SRGAP2B: variants seen among roughly 807,000 people sequenced by gnomAD.
The protein encoded by SRGAP2B is SLIT-ROBO Rho GTPase-activating protein 2B.
Under a neutral mutation model 22.2 loss-of-function variants are expected in SRGAP2B, and 9 were observed. The observed-to-expected ratio is 0.41, with a 90% CI of 0.24 to 0.71. The LOEUF (loss-of-function observed/expected upper bound fraction) is 0.71. Ranked by LOEUF, SRGAP2B falls within the 30% of genes least tolerant of loss-of-function variation. The probability of loss-of-function intolerance (pLI) is 0.35; values close to 1 mark genes in which losing one functional copy is unlikely to be tolerated. For synonymous variants in SRGAP2B, 36 were observed against 87.4 expected (o/e 0.41, Z 3.28); for missense variants, 114 against 235.8 (o/e 0.48, Z 3.38).
intron 2 of SRGAP2B, among the ~76,000 whole-genome samples, chr1:145,011,821 A>T (rs1397730641): frequency 2.7e-5 from 4 of 149,626 alleles, no homozygotes; most frequent in Non-Finnish European, 4.4e-5. Flanking sequence ...TCTACTCTCC[A>T]CACTGCAGCC....
At chr1:145,045,253 A>C (rs782672972) in intron 2 of SRGAP2B, among the ~76,000 whole-genome samples, 5 of 116,718 alleles carry the variant, frequency 4.3e-5, no homozygotes, top group Non-Finnish European at 8.8e-5. Flanking sequence ...GCCGAGATCT[A>C]GCCACTGCAC....
At chr1:145,066,679 A>T in intron 2 of SRGAP2B, among the ~76,000 whole-genome samples, 1 of 151,758 alleles carries the variant, frequency 6.6e-6, no homozygotes, top group Non-Finnish European at 1.5e-5. Flanking sequence ...TACTACAGAT[A>T]AGCACCCCAG....
At position 145,085,837 on chromosome 1, in the gene SRGAP2B, A is replaced by AT. The variant is rs1466224707; in HGVS notation, c.67+6997dup. Among the ~76,000 whole-genome samples, 9 of 118,588 alleles carry AT rather than the reference A, an allele frequency of 7.6e-5. No homozygotes were observed. In the East Asian group the frequency reaches 1.8e-3, roughly 24 times the overall value. The allele number at this position is 118,588 out of a possible 152,430, so 77.8% of individuals were successfully genotyped here. A position where few individuals can be genotyped will look rare whatever the true frequency, so the allele number is the denominator to read the frequency against. ...AGGTGCCTGCCACCACACCCGGCTA[A>AT]TTTTTTTATTTTTAGTAGAGACAGA... On this transcript the variant is annotated intron_variant, in intron 2 of 9. Transcript: ENST00000612199.
chr1:145,083,164 G>A (rs1199459218), intron 2 of SRGAP2B, among the ~76,000 whole-genome samples: 3 of 145,090 alleles, frequency 2.1e-5, no homozygotes, highest in Non-Finnish European at 4.4e-5. Context: ...TTGGGATCCC[G>A]CACAGGGGAG....
chr1:144,967,189 T>C (rs1441430755), intron 3 of SRGAP2B, among the ~76,000 whole-genome samples: 1 of 112,416 alleles, frequency 8.9e-6, no homozygotes. Context: ...AGAATATACA[T>C]TTTTTTCAGC....
At chr1:145,013,461 C>A (rs1553622596) in intron 2 of SRGAP2B, among the ~76,000 whole-genome samples, 1 of 150,290 alleles carries the variant, frequency 6.7e-6, no homozygotes, top group Non-Finnish European at 1.5e-5. Flanking sequence ...AGTATCTCCC[C>A]TGTATCTTTC....
At chr1:144,932,503 G>A (rs1436539451) in intron 4 of SRGAP2B, among the ~76,000 whole-genome samples, 2 of 150,552 alleles carry the variant, frequency 1.3e-5, no homozygotes, top group South Asian at 4.2e-4. Context: ...TGGGGTCAGG[G>A]TCTCCAAGCC....
intron 2 of SRGAP2B, among the ~76,000 whole-genome samples, chr1:145,008,941 G>A (rs1671811443): frequency 6.7e-6 from 1 of 150,362 alleles, no homozygotes; most frequent in African/African-American, 2.5e-5. Flanking sequence ...GGAGGCCAAG[G>A]CAGGCGGACC....
intron 3 of SRGAP2B, among the ~76,000 whole-genome samples, chr1:144,958,399 T>C (rs1667434037): frequency 6.7e-6 from 1 of 149,938 alleles, no homozygotes; most frequent in Admixed American, 6.6e-5. Context: ...GGCTCACGCC[T>C]GCAATCCCAG....
intron 3 of SRGAP2B, among the ~76,000 whole-genome samples, chr1:144,974,334 C>T: frequency 7.3e-6 from 1 of 137,356 alleles, no homozygotes; most frequent in East Asian, 2.2e-4. Flanking sequence ...CTAAAATTTC[C>T]TGATGCTTTT....
At chr1:144,966,303 C>T (rs1256130023) in intron 3 of SRGAP2B, among the ~76,000 whole-genome samples, 1 of 149,914 alleles carries the variant, frequency 6.7e-6, no homozygotes, top group Admixed American at 6.6e-5. Flanking sequence ...TCGGCAGAAA[C>T]CCTACAAGCC....
intron 2 of SRGAP2B, among the ~76,000 whole-genome samples, chr1:145,073,183 G>C (rs1185874050): frequency 6.6e-6 from 1 of 150,462 alleles, no homozygotes. Context: ...GCTGCAAAAG[G>C]AGGTCAGGTA....
Position 145,065,242 on chromosome 1 carries a change from A to G in SRGAP2B, c.67+27593T>C, listed in dbSNP as rs1308626226. ...ATTTTTCAGAACTGGGATCTTCAACACCTTTGGGATTCATTCATCAGATAT... is the reference window on the plus strand; with the variant it reads ...ATTTTTCAGAACTGGGATCTTCAACGCCTTTGGGATTCATTCATCAGATAT... On this transcript the variant is annotated intron_variant, in intron 2 of 9. Transcript: ENST00000612199. Among the ~76,000 whole-genome samples the G allele has an allele frequency of 3.2e-4, 49 of 151,990 alleles. 1 individual carries two copies. The highest frequency in any genetic ancestry group is 1.1e-3 in the African/African-American group (46 of 41,412).
chr1:145,088,443 C>A (rs1653630846), intron 2 of SRGAP2B, among the ~76,000 whole-genome samples: 1 of 140,022 alleles, frequency 7.1e-6, no homozygotes, highest in South Asian at 2.3e-4. Flanking sequence ...ACACTGTTCT[C>A]CTAAGACATT....
chr1:144,912,081 G>C (rs1663465464), intron 5 of SRGAP2B, among the ~76,000 whole-genome samples: 1 of 148,322 alleles, frequency 6.7e-6, no homozygotes, highest in Admixed American at 6.7e-5. Flanking sequence ...CTCCCCAGTA[G>C]CTGGGACTAC....
chr1:144,969,602 A>T (rs1293143592), intron 3 of SRGAP2B, among the ~76,000 whole-genome samples: 4 of 148,458 alleles, frequency 2.7e-5, no homozygotes, highest in Admixed American at 2.7e-4. Flanking sequence ...TTCATGTCCA[A>T]AACACCAAAA....
In SRGAP2B at chr1:144,955,364, C is replaced by T. The variant is rs1487836373; in HGVS notation, c.423+75G>A. 3 of 760,258 alleles carry T rather than the reference C, an allele frequency of 3.9e-6. No individual in the cohort carries two copies. In the African/African-American group the frequency reaches 5.7e-5, roughly 14 times the overall value. The allele number at this position is 760,258 out of a possible 1,614,324, so 47.1% of individuals were successfully genotyped here. ...ATAATTTTGTCACCCAGGTAATCAA[C>T]ATAATATCTAATAGGATTTTAAAAA... On this transcript the variant is annotated intron_variant, in intron 4 of 9. Coordinates refer to ENST00000612199, the Ensembl canonical transcript of SRGAP2B.
intron 2 of SRGAP2B, among the ~76,000 whole-genome samples, chr1:144,999,161 T>C (rs1351721100): frequency 1.3e-5 from 2 of 151,100 alleles, no homozygotes; most frequent in East Asian, 1.9e-4. Flanking sequence ...AAGAAGACTT[T>C]ACACATCTGG....
In SRGAP2B at chr1:144,975,097, C is replaced by T. The variant is rs587713782; in HGVS notation, c.261-19496G>A. Among the ~76,000 whole-genome samples the T allele has an allele frequency of 1.8e-3, 262 of 149,282 alleles. 9 individuals are homozygous for T. The highest frequency in any genetic ancestry group is 6.3e-3 in the African/African-American group (245 of 38,846). On this transcript the variant is annotated intron_variant, in intron 3 of 9. Transcript: ENST00000612199. ...CCTATGTCCCCATCACTGACTTCTG[C>T]TAAAGCCCTGACTTAATCTATGGAT...
Sources: allele counts gnomAD v4.1 joint callset (sites outside exome capture counted in the v4.1 genomes callset), GRCh38; gene constraint gnomAD v4.1.1; transcripts MANE v1.5; gene names NCBI Gene and HGNC (gene_info 2026-07-23, HGNC 2026-07-21).